The following CDYL variants were observed in gnomAD, a reference collection of about 807,000 sequenced individuals.
The protein encoded by CDYL is chromodomain Y like.
In CDYL, 8 loss-of-function variants were observed where a neutral mutation model predicts 47.3. The observed-to-expected ratio is 0.17, with a 90% CI of 0.10 to 0.31. The LOEUF (loss-of-function observed/expected upper bound fraction) is 0.31, where lower values mean the gene tolerates loss of function less well. Ranked by LOEUF, CDYL falls within the 10% of genes least tolerant of loss-of-function variation. The pLI is 1.00. For synonymous variants in CDYL, 266 were observed against 265.0 expected (o/e 1.00, Z -0.04); for missense variants, 471 against 701.4 (o/e 0.67, Z 3.71).
At chr6:4,914,011 T>C (rs529002858) in intron 2 of CDYL, among the ~76,000 whole-genome samples, 1 of 152,330 alleles carries the variant, frequency 6.6e-6, no homozygotes, top group African/African-American at 2.4e-5. Context: ...GACTGCTCTC[T>C]CTATGGTTTC....
chr6:4,735,835 G>T (rs1757693348), intron 3 of CDYL, among the ~76,000 whole-genome samples: 1 of 152,052 alleles, frequency 6.6e-6, no homozygotes, highest in Admixed American at 6.6e-5. Context: ...CACAATTTAT[G>T]TTATAAACAT....
At chr6:4,905,920 A>G (rs1159604156) in intron 2 of CDYL, among the ~76,000 whole-genome samples, 1 of 152,254 alleles carries the variant, frequency 6.6e-6, no homozygotes, top group Non-Finnish European at 1.5e-5. Context: ...TCACCAATTG[A>G]GTAATTTCTT....
chr6:4,794,577 C>T (rs368174499), intron 1 of CDYL, among the ~76,000 whole-genome samples: 15 of 151,862 alleles, frequency 9.9e-5, no homozygotes, highest in South Asian at 4.2e-4. Context: ...GGAAAGAGCT[C>T]GGGAAGGGGA....
chr6:4,819,516 T>C (rs532815276), intron 1 of CDYL, among the ~76,000 whole-genome samples: 16 of 152,288 alleles, frequency 1.1e-4, no homozygotes, highest in African/African-American at 3.8e-4. Context: ...CTTGCTGTTT[T>C]TGGGGTCCAG....
chr6:4,904,582 C>T (rs1021143690), intron 2 of CDYL, among the ~76,000 whole-genome samples: 2 of 152,202 alleles, frequency 1.3e-5, no homozygotes, highest in East Asian at 1.9e-4. Context: ...ATGATAACAT[C>T]TGGTCTGTCC....
intron 1 of CDYL, among the ~76,000 whole-genome samples, chr6:4,846,527 C>T (rs950608671): frequency 2.0e-5 from 3 of 152,114 alleles, no homozygotes; most frequent in African/African-American, 7.2e-5. Flanking sequence ...ATGCTTTCTT[C>T]CGTCAGAGTG....
intron 1 of CDYL, among the ~76,000 whole-genome samples, chr6:4,813,772 C>T (rs755922194): frequency 1.3e-4 from 19 of 151,470 alleles, no homozygotes; most frequent in African/African-American, 3.9e-4. Context: ...TTTGTTTTTT[C>T]GTTTTTCTGT....
chr6:4,706,881 G>T (rs1011613465), intron 1 of CDYL, among the ~76,000 whole-genome samples: 1 of 152,170 alleles, frequency 6.6e-6, no homozygotes, highest in African/African-American at 2.4e-5. Flanking sequence ...CTAATGTAAA[G>T]CATTCAGATT....
intron 1 of CDYL, among the ~76,000 whole-genome samples, chr6:4,793,009 G>T (rs998303941): frequency 6.6e-6 from 1 of 152,008 alleles, no homozygotes; most frequent in Admixed American, 6.6e-5. Flanking sequence ...TGTTCAATTG[G>T]TATTTGTCTT....
chr6:4,827,162 T>C (rs1490641559), intron 1 of CDYL, among the ~76,000 whole-genome samples: 1 of 152,228 alleles, frequency 6.6e-6, no homozygotes, highest in East Asian at 1.9e-4. Context: ...TATTTTTTAC[T>C]ACTTTCCCTT....
intron 1 of CDYL, among the ~76,000 whole-genome samples, chr6:4,806,175 C>A (rs1031504634): frequency 6.6e-6 from 1 of 152,230 alleles, no homozygotes; most frequent in African/African-American, 2.4e-5. Flanking sequence ...GCCGACCCAC[C>A]GGCTGTGCCA....
At chr6:4,744,922 A>G (rs181086848) in intron 3 of CDYL, among the ~76,000 whole-genome samples, 34 of 152,234 alleles carry the variant, frequency 2.2e-4, no homozygotes, top group Middle Eastern at 6.8e-3. Flanking sequence ...CACCTATGTA[A>G]TCAGTCTGGT....
chr6:4,732,428 A>T (rs1281872559), intron 2 of CDYL, among the ~76,000 whole-genome samples: 2 of 152,136 alleles, frequency 1.3e-5, no homozygotes, highest in African/African-American at 4.8e-5. Context: ...CAGAGGCTGG[A>T]GGATCACTTG....
At chr6:4,716,033 G>A (rs1366315118) in intron 2 of CDYL, 18 of 1,186,892 alleles carry the variant, frequency 1.5e-5, no homozygotes, top group Non-Finnish European at 1.8e-5. Context: ...CGGATCATGA[G>A]GTCAGGAGAT....
chr6:4,800,288 G>A lies in CDYL; in HGVS notation c.24+23481G>A, dbSNP rs1759186816. The stretch of plus-strand genomic sequence containing the variant: ...CTTATTAATTTTAATTCTTCTGTTG[G>A]TTTTCTAGCTATATGCATCTTAGCT... On this transcript the variant is annotated intron_variant, in intron 1 of 6. Transcript: ENST00000397588. Among the ~76,000 whole-genome samples, 5 of 151,874 alleles carry A rather than the reference G, an allele frequency of 3.3e-5. No homozygotes were observed. In the South Asian group the frequency reaches 1.0e-3, roughly 31 times the overall value.
chr6:4,733,518 G>A (rs2326533), intron 2 of CDYL, among the ~76,000 whole-genome samples: 38,499 of 151,490 alleles, frequency 0.25, 5,185 homozygotes, highest in African/African-American at 0.33. Flanking sequence ...TAAATTGTTT[G>A]GTGTACACCA....
intron 3 of CDYL, among the ~76,000 whole-genome samples, chr6:4,762,377 G>A (rs1372084725): frequency 6.6e-6 from 1 of 152,032 alleles, no homozygotes; most frequent in Admixed American, 6.6e-5. Context: ...TCTACATTTT[G>A]TAGATCCAAT....
chr6:4,845,393 T>G (rs1237860405), intron 1 of CDYL, among the ~76,000 whole-genome samples: 1 of 152,234 alleles, frequency 6.6e-6, no homozygotes, highest in Non-Finnish European at 1.5e-5. Flanking sequence ...CCAAAGAGAA[T>G]GGGTACTGCC....
chr6:4,945,844 G>T (rs1298090447), intron 5 of CDYL, among the ~76,000 whole-genome samples: 2 of 152,258 alleles, frequency 1.3e-5, no homozygotes, highest in Non-Finnish European at 2.9e-5. Flanking sequence ...TTGCTGTGAG[G>T]CTGGTGTTCT....
Sources: gnomAD v4.1 joint callset for allele counts (sites outside exome capture counted in the v4.1 genomes callset) on GRCh38, gnomAD v4.1.1 for gene constraint, MANE v1.5 for transcripts, NCBI Gene and HGNC (gene_info 2026-07-23, HGNC 2026-07-21) for gene names.